The following OR3A2 variants were observed in gnomAD, a reference collection of about 807,000 sequenced individuals.
The protein encoded by OR3A2 is olfactory receptor family 3 subfamily A member 2, also known as olfactory receptor 3A2.
For synonymous variants in OR3A2, 126 were observed against 159.3 expected (o/e 0.79, Z 1.57); for missense variants, 318 against 392.8 (o/e 0.81, Z 1.61).
chr17:3,316,378 A>G (rs1376375925), intron 3 of OR3A2, among the ~76,000 whole-genome samples: 1 of 152,168 alleles, frequency 6.6e-6, no homozygotes, highest in Non-Finnish European at 1.5e-5. Flanking sequence ...GTCATTTTAC[A>G]CACCATGGGC....
chr17:3,279,037 C>G, intron 1 of OR3A2, 39 bp downstream of exon 4: 1 of 1,521,468 alleles, frequency 6.6e-7, no homozygotes, highest in Non-Finnish European at 8.8e-7. Context: ...CAGGCCATCC[C>G]TCACTCGTTG....
rs574798974 is a variant in OR3A2 at position 3,358,554 on chromosome 17, C to T, written c.-178-22428G>A. Among the ~76,000 whole-genome samples the T allele has an allele frequency of 7.3e-5, 11 of 151,682 alleles. 1 individual carries two copies. Among genetic ancestry groups the T allele is most frequent in the African/African-American group, 2.2e-4 (9 of 41,054 alleles). On this transcript the variant is annotated intron_variant, in intron 2 of 4. Transcript: ENST00000573491. ...TATTTATTCAAAAGTCATTCAGGAGCATGTTGTTTAATTTCCATGTAATTG... is the reference window on the plus strand; with the variant it reads ...TATTTATTCAAAAGTCATTCAGGAGTATGTTGTTTAATTTCCATGTAATTG...
chr17:3,300,263 A>G (rs2048951894), intron 3 of OR3A2, among the ~76,000 whole-genome samples: 1 of 152,166 alleles, frequency 6.6e-6, no homozygotes, highest in South Asian at 2.1e-4. Flanking sequence ...AATGTAAATT[A>G]AAATCACAAT....
chr17:3,384,784 T>C (rs9891730), intron 1 of OR3A2, among the ~76,000 whole-genome samples: 23,043 of 152,044 alleles, frequency 0.15, 2,317 homozygotes, highest in African/African-American at 0.28. Flanking sequence ...TGGCCATTCA[T>C]TTACTTTTTG....
upstream of OR3A2, among the ~76,000 whole-genome samples, chr17:3,285,139 T>C (rs562650155): frequency 1.3e-5 from 2 of 152,018 alleles, no homozygotes; most frequent in Non-Finnish European, 2.9e-5. Flanking sequence ...AGTCCGGCCC[T>C]GAGGAATTGA....
intron 2 of OR3A2, among the ~76,000 whole-genome samples, chr17:3,339,058 GCTCT>G (rs1348860787): frequency 3.9e-5 from 6 of 151,980 alleles, no homozygotes; most frequent in Non-Finnish European, 4.4e-5. Flanking sequence ...TTATGATTTG[GCTCT>G]CTGTTTGTCT....
chr17:3,375,286 T>G (rs551780880), intron 2 of OR3A2, among the ~76,000 whole-genome samples: 1 of 138,516 alleles, frequency 7.2e-6, no homozygotes, highest in East Asian at 2.1e-4. Flanking sequence ...CACCTGGACT[T>G]GACAGATTTC....
intron 2 of OR3A2, among the ~76,000 whole-genome samples, chr17:3,364,236 A>T (rs75747649): frequency 0.012 from 1,750 of 151,912 alleles, 35 homozygotes; most frequent in African/African-American, 0.04. Flanking sequence ...TAATTGACAG[A>T]TAATAATTCT....
chr17:3,371,837 C>CA (rs1555530379), intron 2 of OR3A2, among the ~76,000 whole-genome samples: 4 of 140,848 alleles, frequency 2.8e-5, no homozygotes, highest in South Asian at 2.3e-4. Context: ...ACCTCCCCAC[C>CA]ACCTCCCGCC....
intron 2 of OR3A2, among the ~76,000 whole-genome samples, chr17:3,370,468 G>T (rs760480545): frequency 6.6e-6 from 1 of 152,076 alleles, no homozygotes; most frequent in Non-Finnish European, 1.5e-5. Context: ...TCTTGTCAAA[G>T]AACCAGCTTT....
intron 2 of OR3A2, among the ~76,000 whole-genome samples, chr17:3,371,830 T>C (rs868391399): frequency 0.18 from 15,548 of 86,050 alleles, 1,890 homozygotes; most frequent in East Asian, 0.52. Context: ...GGGGCTGACC[T>C]CCCCACCACC....
At chr17:3,366,770 G>A (rs970065206) in intron 2 of OR3A2, among the ~76,000 whole-genome samples, 25 of 152,154 alleles carry the variant, frequency 1.6e-4, no homozygotes, top group Admixed American at 3.9e-4. Flanking sequence ...CTGTACTGAG[G>A]GAAATTCCAG....
At chr17:3,363,566 C>G (rs754762162) in intron 2 of OR3A2, among the ~76,000 whole-genome samples, 2 of 151,780 alleles carry the variant, frequency 1.3e-5, no homozygotes, top group Non-Finnish European at 2.9e-5. Context: ...CTCACATCTT[C>G]CTGTCTTCTT....
intron 2 of OR3A2, among the ~76,000 whole-genome samples, chr17:3,354,735 T>C (rs541136676): frequency 1.3e-5 from 2 of 151,450 alleles, no homozygotes; most frequent in Non-Finnish European, 2.9e-5. Flanking sequence ...TTTTATATTA[T>C]TTTCTTCATT....
intron 3 of OR3A2, among the ~76,000 whole-genome samples, chr17:3,313,199 T>G (rs1218227555): frequency 6.6e-6 from 1 of 152,204 alleles, no homozygotes; most frequent in Non-Finnish European, 1.5e-5. Flanking sequence ...CTTCAGGCAC[T>G]TCCTGGACAA....
intron 3 of OR3A2, among the ~76,000 whole-genome samples, chr17:3,296,140 A>T (rs1028859425): frequency 6.6e-6 from 1 of 152,196 alleles, no homozygotes; most frequent in Admixed American, 6.5e-5. Context: ...CTTCAAAAGA[A>T]CAAATAATAC....
intron 2 of OR3A2, among the ~76,000 whole-genome samples, chr17:3,370,411 C>T (rs761469353): frequency 7.2e-5 from 11 of 152,118 alleles, no homozygotes; most frequent in Non-Finnish European, 1.6e-4. Context: ...TGGATTTTCT[C>T]TCTTCTTTTC....
intron 3 of OR3A2, among the ~76,000 whole-genome samples, chr17:3,333,905 C>T (rs2049258690): frequency 6.6e-6 from 1 of 151,928 alleles, no homozygotes; most frequent in Non-Finnish European, 1.5e-5. Flanking sequence ...AACAAATTTA[C>T]AAGAAAAAAA....
chr17:3,335,425 A>G (rs1385090316), intron 3 of OR3A2, among the ~76,000 whole-genome samples: 1 of 152,198 alleles, frequency 6.6e-6, no homozygotes, highest in Non-Finnish European at 1.5e-5. Context: ...GGATTTTTCC[A>G]ATGAATAATC....
Sources: gnomAD v4.1 joint callset for allele counts (sites outside exome capture counted in the v4.1 genomes callset) on GRCh38, gnomAD v4.1.1 for gene constraint, MANE v1.5 for transcripts, NCBI Gene and HGNC (gene_info 2026-07-23, HGNC 2026-07-21) for gene names.